The following LRRC4C variants were observed in gnomAD, a reference collection of about 807,000 sequenced individuals.
LRRC4C encodes leucine-rich repeat-containing protein 4C.
Under a neutral mutation model 33.6 loss-of-function variants are expected in LRRC4C, and 5 were observed. The ratio of observed to expected loss-of-function variants is 0.15; its 90% CI spans 0.08 to 0.31. The LOEUF is 0.31. Ranked by LOEUF, LRRC4C falls within the 10% of genes least tolerant of loss-of-function variation. The probability of loss-of-function intolerance (pLI) is 1.00; values close to 1 mark genes in which losing one functional copy is unlikely to be tolerated. For synonymous variants in LRRC4C, 329 were observed against 302.0 expected (o/e 1.09, Z -0.93); for missense variants, 560 against 796.7 (o/e 0.70, Z 3.58).
At chr11:40,335,546 T>C (rs2136966235) in intron 3 of LRRC4C, among the ~76,000 whole-genome samples, 1 of 152,344 alleles carries the variant, frequency 6.6e-6, no homozygotes, top group South Asian at 2.1e-4. Flanking sequence ...TATTATGTGA[T>C]TAGGATGGAG....
At chr11:41,380,990 G>A (rs1347963906) in intron 1 of LRRC4C, among the ~76,000 whole-genome samples, 1 of 152,100 alleles carries the variant, frequency 6.6e-6, no homozygotes, top group Admixed American at 6.6e-5. Context: ...CATATTATAA[G>A]CCAATATTTG....
chr11:41,107,936 CAAAGAAAAGA>C (rs1941604796), intron 1 of LRRC4C, among the ~76,000 whole-genome samples: 1 of 145,058 alleles, frequency 6.9e-6, no homozygotes, highest in African/African-American at 2.7e-5. Context: ...GAGTCCATCT[CAAAGAAAAGA>C]AAAGAGAAGA....
intron 1 of LRRC4C, among the ~76,000 whole-genome samples, chr11:41,006,145 T>C (rs891386954): frequency 6.6e-6 from 1 of 152,218 alleles, no homozygotes; most frequent in African/African-American, 2.4e-5. Context: ...GGTGTTGACA[T>C]ATTTGGTTTT....
intron 2 of LRRC4C, among the ~76,000 whole-genome samples, chr11:40,820,328 T>A (rs978574956): frequency 2.0e-5 from 3 of 151,970 alleles, no homozygotes; most frequent in African/African-American, 7.2e-5. Context: ...TAATTATACA[T>A]ATTTTTTCAG....
At chr11:40,372,647 C>T (rs1446055543) in intron 3 of LRRC4C, among the ~76,000 whole-genome samples, 2 of 152,122 alleles carry the variant, frequency 1.3e-5, no homozygotes, top group Non-Finnish European at 2.9e-5. Context: ...CCCCAGTCAT[C>T]CTGGACGTTC....
chr11:40,576,966 T>G (rs1958218834), intron 3 of LRRC4C, among the ~76,000 whole-genome samples: 2 of 152,214 alleles, frequency 1.3e-5, no homozygotes, highest in South Asian at 4.1e-4. Flanking sequence ...TTAGTTCCCT[T>G]CTTATAGATT....
chr11:40,423,375 CG>C (rs1386414393), intron 3 of LRRC4C, among the ~76,000 whole-genome samples: 49 of 123,130 alleles, frequency 4.0e-4, no homozygotes, highest in African/African-American at 1.4e-3. Context: ...GACGGAGTCT[CG>C]CTCTGTCGCC....
chr11:40,513,109 C>T (rs530852866), intron 3 of LRRC4C, among the ~76,000 whole-genome samples: 4 of 151,936 alleles, frequency 2.6e-5, no homozygotes, highest in Admixed American at 6.6e-5. Context: ...ATTAGCCAGG[C>T]GCGGTGGCAT....
chr11:41,019,197 AGT>A lies in LRRC4C; in HGVS notation c.-495-85476_-495-85475del, dbSNP rs952489821. Among the ~76,000 whole-genome samples, 3 of 151,908 alleles carry A rather than the reference AGT, an allele frequency of 2.0e-5. No homozygotes were observed. In the East Asian group the frequency reaches 5.9e-4, roughly 30 times the overall value. On this transcript the variant is annotated intron_variant, in intron 1 of 6. Coordinates refer to ENST00000528697, the MANE Select transcript of LRRC4C (RefSeq NM_001258419.2). The stretch of plus-strand genomic sequence containing the variant: ...TCACCCCCACCCCGCAACAGGCCAC[AGT>A]GTGTGTTATTCCCGTCTCTGTCCAT...
chr11:40,311,832 C>A (rs532490136), intron 4 of LRRC4C, among the ~76,000 whole-genome samples: 1 of 150,820 alleles, frequency 6.6e-6, no homozygotes, highest in Non-Finnish European at 1.5e-5. Flanking sequence ...GTAGTCCCAG[C>A]TACTTGGGAG....
intron 3 of LRRC4C, among the ~76,000 whole-genome samples, chr11:40,574,255 A>G (rs1958093946): frequency 2.0e-5 from 3 of 152,156 alleles, no homozygotes; most frequent in Admixed American, 2.0e-4. Context: ...ACAGCAGACC[A>G]AACCTTCCTC....
chr11:40,236,057 C>T (rs908484884), intron 5 of LRRC4C, among the ~76,000 whole-genome samples: 1 of 151,542 alleles, frequency 6.6e-6, no homozygotes, highest in Non-Finnish European at 1.5e-5. Flanking sequence ...CTGCCAGTCA[C>T]GGCTCACAGT....
At chr11:40,459,910 G>A (rs1590808081) in intron 3 of LRRC4C, among the ~76,000 whole-genome samples, 1 of 152,150 alleles carries the variant, frequency 6.6e-6, no homozygotes, top group African/African-American at 2.4e-5. Flanking sequence ...GCAGCACGAT[G>A]TTTGCATTAT....
intron 1 of LRRC4C, among the ~76,000 whole-genome samples, chr11:41,158,570 C>T (rs1290146010): frequency 6.6e-6 from 1 of 152,058 alleles, no homozygotes; most frequent in Admixed American, 6.6e-5. Context: ...AGGCAACATA[C>T]CTTTTTTCCA....
chr11:41,394,110 T>G (rs2138032802), intron 1 of LRRC4C, among the ~76,000 whole-genome samples: 1 of 152,080 alleles, frequency 6.6e-6, no homozygotes, highest in African/African-American at 2.4e-5. Context: ...CCTTCACTTT[T>G]TATGCATCTG....
chr11:41,275,209 T>G (rs1242484778), intron 1 of LRRC4C, among the ~76,000 whole-genome samples: 1 of 152,118 alleles, frequency 6.6e-6, no homozygotes, highest in Non-Finnish European at 1.5e-5. Flanking sequence ...CTACAGAACT[T>G]GAGCCAGATA....
intron 1 of LRRC4C, among the ~76,000 whole-genome samples, chr11:41,357,753 G>A (rs1952212998): frequency 6.6e-6 from 1 of 152,040 alleles, no homozygotes; most frequent in Admixed American, 6.6e-5. Context: ...TAACTTTATA[G>A]TTATTCCAAT....
At chr11:41,031,078 A>G (rs568957440) in intron 1 of LRRC4C, among the ~76,000 whole-genome samples, 7 of 152,080 alleles carry the variant, frequency 4.6e-5, no homozygotes, top group African/African-American at 1.4e-4. Context: ...CACACCAAGT[A>G]GCTTTTAAGA....
At chr11:40,622,631 A>G (rs1210106388) in intron 3 of LRRC4C, among the ~76,000 whole-genome samples, 2 of 152,074 alleles carry the variant, frequency 1.3e-5, no homozygotes, top group East Asian at 3.9e-4. Flanking sequence ...TTAGAAGACA[A>G]TCTTAATGAA....
Sources: allele counts gnomAD v4.1 joint callset (sites outside exome capture counted in the v4.1 genomes callset), GRCh38; gene constraint gnomAD v4.1.1; transcripts MANE v1.5; gene names NCBI Gene and HGNC (gene_info 2026-07-23, HGNC 2026-07-21).